The following TNRC6B variants were observed in gnomAD, a reference collection of about 807,000 sequenced individuals.
TNRC6B encodes the protein trinucleotide repeat containing adaptor 6B, also known as trinucleotide repeat-containing gene 6B protein.
Under a neutral mutation model 203.6 loss-of-function variants are expected in TNRC6B, and 52 were observed. The ratio of observed to expected loss-of-function variants is 0.26; its 90% CI spans 0.20 to 0.32. The LOEUF is 0.32. TNRC6B is among the 10% of genes least tolerant of loss of function. The pLI is 1.00. For synonymous variants in TNRC6B, 838 were observed against 845.7 expected (o/e 0.99, Z 0.16); for missense variants, 1,923 against 2,286.2 (o/e 0.84, Z 3.24).
At chr22:40,275,397 C>T (rs1031342572) in intron 7 of TNRC6B, among the ~76,000 whole-genome samples, 1 of 152,188 alleles carries the variant, frequency 6.6e-6, no homozygotes, top group Non-Finnish European at 1.5e-5. Flanking sequence ...GGAATTGACT[C>T]TTTCAGCCCC....
chr22:40,200,069 G>A (rs2069389968), intron 1 of TNRC6B, among the ~76,000 whole-genome samples: 2 of 151,828 alleles, frequency 1.3e-5, no homozygotes, highest in Non-Finnish European at 2.9e-5. Flanking sequence ...AAAGTGCTGG[G>A]TTTACAGGTG....
intron 12 of TNRC6B, among the ~76,000 whole-genome samples, chr22:40,297,699 G>A (rs1410721775): frequency 1.3e-5 from 2 of 152,030 alleles, no homozygotes; most frequent in African/African-American, 4.8e-5. Flanking sequence ...GTGCGTGCCT[G>A]TAGTCCCAGC....
In TNRC6B at chr22:40,326,749, TTAA is replaced by T. The variant is rs1470025777; in HGVS notation, c.*3513_*3515del. The T allele has an allele frequency of 1.3e-5, 2 of 152,584 alleles. No individual in the cohort carries two copies. Among genetic ancestry groups the T allele is most frequent in the South Asian group, 2.1e-4 (1 of 4,828 alleles). The allele number at this position is 152,584 out of a possible 1,614,324, so 9.5% of individuals were successfully genotyped here. A position where few individuals can be genotyped will look rare whatever the true frequency, so the allele number is the denominator to read the frequency against. On this transcript the variant is annotated 3_prime_UTR_variant, in exon 23 of 23. Transcript: ENST00000454349. ...TATGTAAAGAGTTAGGAAATATAGGTTAATAATTTTTGGAACAAATTTTAAATA... is the reference window on the plus strand; with the variant it reads ...TATGTAAAGAGTTAGGAAATATAGGTTAATTTTTGGAACAAATTTTAAATA...
At chr22:40,141,947 T>G (rs2068647984) in intron 3 of TNRC6B, among the ~76,000 whole-genome samples, 1 of 151,804 alleles carries the variant, frequency 6.6e-6, no homozygotes, top group South Asian at 2.1e-4. Flanking sequence ...GCTAATTTTT[T>G]GTATTTTTAG....
At chr22:40,275,381 T>C (rs1469135433) in intron 7 of TNRC6B, among the ~76,000 whole-genome samples, 1 of 152,236 alleles carries the variant, frequency 6.6e-6, no homozygotes, top group African/African-American at 2.4e-5. Flanking sequence ...TTAATTAAGT[T>C]AATTGGGAAT....
chr22:40,160,822 A>G (rs1646388869), intron 4 of TNRC6B, among the ~76,000 whole-genome samples: 1 of 152,070 alleles, frequency 6.6e-6, no homozygotes, highest in Admixed American at 6.6e-5. Flanking sequence ...CTCCCACCTC[A>G]GCCTCCCAAA....
intron 1 of TNRC6B, among the ~76,000 whole-genome samples, chr22:40,060,593 A>C (rs1488212250): frequency 6.6e-6 from 1 of 152,136 alleles, no homozygotes; most frequent in Non-Finnish European, 1.5e-5. Context: ...AGGTTCAGTG[A>C]TTACTTAGGA....
chr22:40,268,824 A>G (rs1263009143), intron 5 of TNRC6B, among the ~76,000 whole-genome samples: 1 of 151,962 alleles, frequency 6.6e-6, no homozygotes, highest in African/African-American at 2.4e-5. Context: ...AGGCAGGAGA[A>G]TGGGGTGAAC....
At chr22:40,286,598 A>G (rs1045849798) in intron 12 of TNRC6B, among the ~76,000 whole-genome samples, 3 of 152,176 alleles carry the variant, frequency 2.0e-5, no homozygotes, top group African/African-American at 7.2e-5. Flanking sequence ...TAGGTGCTCT[A>G]GGGGGAGTTT....
intron 7 of TNRC6B, among the ~76,000 whole-genome samples, chr22:40,274,141 T>A (rs979062724): frequency 6.6e-6 from 1 of 152,176 alleles, no homozygotes; most frequent in Non-Finnish European, 1.5e-5. Context: ...TACGAGATAT[T>A]TTTCATTTTT....
At chr22:40,154,231 A>G (rs1255775837) in intron 3 of TNRC6B, among the ~76,000 whole-genome samples, 5 of 152,134 alleles carry the variant, frequency 3.3e-5, no homozygotes, top group African/African-American at 1.2e-4. Flanking sequence ...TGGGAGGCCA[A>G]GACGGGTGGA....
chr22:40,100,922 C>T (rs997479530), intron 1 of TNRC6B, among the ~76,000 whole-genome samples: 1 of 151,790 alleles, frequency 6.6e-6, no homozygotes, highest in African/African-American at 2.4e-5. Flanking sequence ...ATTGGAGGGA[C>T]ATTGTGGAAG....
At chr22:40,170,855 A>ATATACATATATGTACATATATGTGTGTG (rs2146368061) in intron 4 of TNRC6B, among the ~76,000 whole-genome samples, 1 of 110,532 alleles carries the variant, frequency 9.0e-6, no homozygotes, top group East Asian at 2.3e-4. Flanking sequence ...ATATGTGTGT[A>ATATACATATATGTACATATATGTGTGTG]TATATACATA....
chr22:40,222,798 C>T (rs191910095), intron 1 of TNRC6B, among the ~76,000 whole-genome samples: 81 of 114,214 alleles, frequency 7.1e-4, no homozygotes, highest in African/African-American at 1.9e-3. Flanking sequence ...GGCTGGAGTG[C>T]GGTGGCATAT....
intron 1 of TNRC6B, among the ~76,000 whole-genome samples, chr22:40,103,784 A>G (rs1421814367): frequency 6.6e-6 from 1 of 150,498 alleles, no homozygotes; most frequent in Non-Finnish European, 1.5e-5. Context: ...CTGGGATTAT[A>G]GGCATGTGCC....
intron 1 of TNRC6B, among the ~76,000 whole-genome samples, chr22:40,222,639 A>G (rs1245911202): frequency 6.7e-6 from 1 of 148,618 alleles, no homozygotes; most frequent in African/African-American, 2.5e-5. Context: ...ATAATTATAT[A>G]TTCAAATGCA....
intron 1 of TNRC6B, among the ~76,000 whole-genome samples, chr22:40,057,234 T>A (rs1222924994): frequency 6.6e-6 from 1 of 150,890 alleles, no homozygotes; most frequent in Non-Finnish European, 1.5e-5. Context: ...TACAGTTACA[T>A]TGAATTTTTT....
intron 11 of TNRC6B, among the ~76,000 whole-genome samples, chr22:40,283,417 A>G (rs2070743048): frequency 1.3e-5 from 2 of 152,172 alleles, no homozygotes; most frequent in Non-Finnish European, 2.9e-5. Context: ...TCAGCCTCCC[A>G]AAATGGTAGG....
chr22:40,193,914 G>A (rs1164078650), intron 1 of TNRC6B, among the ~76,000 whole-genome samples: 1 of 152,194 alleles, frequency 6.6e-6, no homozygotes, highest in Non-Finnish European at 1.5e-5. Flanking sequence ...GAGCTTCACT[G>A]AGAGAGGAGA....
Sources: allele counts gnomAD v4.1 joint callset (sites outside exome capture counted in the v4.1 genomes callset), GRCh38; gene constraint gnomAD v4.1.1; transcripts MANE v1.5; gene names NCBI Gene and HGNC (gene_info 2026-07-23, HGNC 2026-07-21).